The following STPG2 variants were observed in gnomAD, a reference collection of about 807,000 sequenced individuals.
STPG2 encodes the protein sperm tail PG-rich repeat containing 2.
Under a neutral mutation model 54.2 loss-of-function variants are expected in STPG2, and 56 were observed. That is an observed-to-expected ratio of 1.03 (90% CI 0.83 to 1.29). The LOEUF is 1.29. STPG2 is among the 50% of genes most tolerant of loss of function. The pLI, the probability that STPG2 is intolerant of heterozygous loss-of-function variation, is 0.00. For missense variants in STPG2, 596 were observed against 544.9 expected, an observed-to-expected ratio of 1.09 and a Z score of -0.93; for synonymous variants, 200 against 181.8, an observed-to-expected ratio of 1.10 and a Z score of -0.81.
chr4:98,137,856 T>C (rs1414884583), intron 1 of STPG2, among the ~76,000 whole-genome samples: 2 of 151,942 alleles, frequency 1.3e-5, no homozygotes, highest in Non-Finnish European at 2.9e-5. Context: ...TCATAAAATC[T>C]TCATTGAAGT....
chr4:98,106,530 A>C (rs1022907954), intron 4 of STPG2, among the ~76,000 whole-genome samples: 3 of 152,186 alleles, frequency 2.0e-5, no homozygotes, highest in Non-Finnish European at 4.4e-5. Context: ...GACAACCTCA[A>C]GAAAGAATCA....
intron 9 of STPG2, among the ~76,000 whole-genome samples, chr4:97,840,142 C>A (rs1728752543): frequency 6.6e-6 from 1 of 151,166 alleles, no homozygotes; most frequent in Admixed American, 6.6e-5. Flanking sequence ...AAATGTTTAT[C>A]TTTTTAATAT....
At chr4:97,920,024 A>C in intron 8 of STPG2, among the ~76,000 whole-genome samples, 1 of 152,202 alleles carries the variant, frequency 6.6e-6, no homozygotes, top group South Asian at 2.1e-4. Flanking sequence ...ATGTCCATAG[A>C]ATTTACTAGG....
chr4:97,880,956 T>C (rs879528714), intron 8 of STPG2, among the ~76,000 whole-genome samples: 6 of 151,924 alleles, frequency 3.9e-5, no homozygotes, highest in Admixed American at 6.6e-5. Context: ...TGTTCTCCTA[T>C]AAAAATTACT....
At chr4:97,736,668 T>C (rs4337741) in intron 9 of STPG2, among the ~76,000 whole-genome samples, 127,701 of 152,160 alleles carry the variant, frequency 0.84, 53,752 homozygotes, top group Middle Eastern at 0.95. Flanking sequence ...GGGGCACCTG[T>C]CATTGCCCAG....
intron 8 of STPG2, among the ~76,000 whole-genome samples, chr4:97,935,822 T>G (rs13124904): frequency 6.6e-6 from 1 of 151,892 alleles, no homozygotes; most frequent in Non-Finnish European, 1.5e-5. Context: ...TTAGAGTAAG[T>G]TCTGTGTGGC....
At chr4:97,900,886 C>G (rs559294411) in intron 8 of STPG2, among the ~76,000 whole-genome samples, 1 of 152,000 alleles carries the variant, frequency 6.6e-6, no homozygotes, top group Non-Finnish European at 1.5e-5. Flanking sequence ...ACAAGTTTAC[C>G]TATGTAACAA....
chr4:97,528,872 G>A (rs1227895594), intron 4 of STPG2, among the ~76,000 whole-genome samples: 1 of 152,160 alleles, frequency 6.6e-6, no homozygotes, highest in Non-Finnish European at 1.5e-5. Context: ...CCAGCTTAAG[G>A]AGATTTGGGG....
chr4:98,040,606 A>T (rs1454594085), intron 5 of STPG2, among the ~76,000 whole-genome samples: 2 of 151,664 alleles, frequency 1.3e-5, no homozygotes, highest in East Asian at 3.9e-4. Context: ...TGTTGACTTT[A>T]TTAAAGATAA....
intron 4 of STPG2, among the ~76,000 whole-genome samples, chr4:97,474,706 T>C (rs1376749225): frequency 6.6e-6 from 1 of 151,968 alleles, no homozygotes; most frequent in African/African-American, 2.4e-5. Context: ...TTTATAAAAT[T>C]ATAAAGAAGA....
intron 8 of STPG2, among the ~76,000 whole-genome samples, chr4:97,934,044 C>A (rs1489674658): frequency 6.6e-6 from 1 of 152,106 alleles, no homozygotes; most frequent in Admixed American, 6.5e-5. Context: ...TTTTCTTGAG[C>A]AGTGGTTTGT....
In STPG2 at chr4:97,981,185, T is replaced by C; in HGVS notation, c.746A>G (p.Gln249Arg). The change falls in exon 6 of 11, where the codon CAG (glutamine) becomes CGG (arginine). Residue 249 changes from glutamine to arginine, a missense_variant. Gln to Arg is a conservative substitution (Grantham distance 43, BLOSUM62 1). Coordinates refer to ENST00000295268, the MANE Select transcript of STPG2 (RefSeq NM_174952.3). ...PFGQSAVRFT[Q>R]DIRTEEMPGP... ...TGGCATTTCCTCTGTCCTGATGTCC[T>C]GTGTGAATCGAACAGCACTTTGACC... The C allele has an allele frequency of 5.6e-6, 9 of 1,614,008 alleles. No homozygotes were observed. Among genetic ancestry groups the C allele is most frequent in the Non-Finnish European group, 7.6e-6 (9 of 1,179,960 alleles).
intron 9 of STPG2, among the ~76,000 whole-genome samples, chr4:97,807,384 C>G (rs918679022): frequency 6.6e-6 from 1 of 151,922 alleles, no homozygotes; most frequent in Non-Finnish European, 1.5e-5. Flanking sequence ...ACAACTCTAT[C>G]TAAAAACAAT....
intron 1 of STPG2, among the ~76,000 whole-genome samples, chr4:98,136,513 T>A (rs751826281): frequency 3.4e-4 from 51 of 151,718 alleles, no homozygotes; most frequent in Non-Finnish European, 6.6e-4. Flanking sequence ...AAAAATAGAA[T>A]GGTTGTGTGG....
intron 5 of STPG2, among the ~76,000 whole-genome samples, chr4:98,035,969 T>C (rs62318529): frequency 0.14 from 20,887 of 151,918 alleles, 1,928 homozygotes; most frequent in Middle Eastern, 0.22. Flanking sequence ...AGGGGAGGGA[T>C]AGCATTAGGA....
chr4:98,117,985 T>C (rs1440678339), intron 3 of STPG2, among the ~76,000 whole-genome samples: 1 of 152,146 alleles, frequency 6.6e-6, no homozygotes, highest in Non-Finnish European at 1.5e-5. Context: ...ATTATTTGCA[T>C]GTCTCAAAAT....
intron 10 of STPG2, among the ~76,000 whole-genome samples, chr4:97,600,187 T>G (rs1349194261): frequency 6.6e-6 from 1 of 152,152 alleles, no homozygotes; most frequent in Non-Finnish European, 1.5e-5. Flanking sequence ...CAAACCCCTA[T>G]GACACACAAT....
At chr4:98,141,353 A>G (rs902690149) in intron 1 of STPG2, among the ~76,000 whole-genome samples, 1 of 152,182 alleles carries the variant, frequency 6.6e-6, no homozygotes, top group Non-Finnish European at 1.5e-5. Context: ...GCAGGAGATA[A>G]TCAACTAAGA....
chr4:98,015,276 C>T (rs970068812), intron 5 of STPG2, among the ~76,000 whole-genome samples: 1 of 151,906 alleles, frequency 6.6e-6, no homozygotes, highest in African/African-American at 2.4e-5. Context: ...AGGCAGCCTA[C>T]AGAATGGGAG....
Sources: gnomAD v4.1 joint callset for allele counts (sites outside exome capture counted in the v4.1 genomes callset) on GRCh38, gnomAD v4.1.1 for gene constraint, MANE v1.5 for transcripts, NCBI Gene and HGNC (gene_info 2026-07-23, HGNC 2026-07-21) for gene names.